Variants in TRDN observed in about 807,000 individuals in gnomAD.
TRDN encodes triadin in skeletal muscle.
Under a neutral mutation model 149.7 loss-of-function variants are expected in TRDN, and 161 were observed. The observed-to-expected ratio is 1.08, with a 90% CI of 0.95 to 1.23. The LOEUF (loss-of-function observed/expected upper bound fraction) is 1.23. TRDN is among the 50% of genes most tolerant of loss of function. TRDN has a pLI of 0.00. For synonymous variants in TRDN, 294 were observed against 250.5 expected (o/e 1.17, Z -1.64); for missense variants, 896 against 823.5 (o/e 1.09, Z -1.08).
At chr6:123,285,340 G>A (rs1777764220) in intron 24 of TRDN, among the ~76,000 whole-genome samples, 1 of 152,040 alleles carries the variant, frequency 6.6e-6, no homozygotes, top group Non-Finnish European at 1.5e-5. Flanking sequence ...TATAAAAATA[G>A]GCACAAAGAC....
At chr6:123,221,888 T>C (rs1259529942) in intron 39 of TRDN, among the ~76,000 whole-genome samples, 1 of 151,740 alleles carries the variant, frequency 6.6e-6, no homozygotes, top group Non-Finnish European at 1.5e-5. Flanking sequence ...AAAATCTGGC[T>C]AAAGATGAAC....
intron 21 of TRDN, 153 bp downstream of exon 21, chr6:123,352,386 A>T: frequency 7.3e-7 from 1 of 1,376,786 alleles, no homozygotes; most frequent in Non-Finnish European, 9.4e-7. Flanking sequence ...GCTGTCTCAC[A>T]TTCTCCCTGG....
At chr6:123,427,939 G>T (rs1774192282) in intron 12 of TRDN, among the ~76,000 whole-genome samples, 1 of 151,976 alleles carries the variant, frequency 6.6e-6, no homozygotes, top group Non-Finnish European at 1.5e-5. Flanking sequence ...TGTTGGGTTG[G>T]TTTTCTAAAA....
At chr6:123,219,105 T>A (rs1775050361) in intron 40 of TRDN, among the ~76,000 whole-genome samples, 1 of 151,826 alleles carries the variant, frequency 6.6e-6, no homozygotes, top group Admixed American at 6.6e-5. Context: ...TAGTCACAGG[T>A]TTCAAAATAT....
intron 19 of TRDN, 85 bp from the exon 20 acceptor site, chr6:123,366,267 G>T: frequency 1.5e-6 from 2 of 1,326,916 alleles, no homozygotes; most frequent in Non-Finnish European, 1.1e-6. Flanking sequence ...TAAAATTAAA[G>T]ATAAAATGTA....
chr6:123,371,216 G>A (rs1781313951), intron 19 of TRDN, among the ~76,000 whole-genome samples: 1 of 151,882 alleles, frequency 6.6e-6, no homozygotes, highest in Admixed American at 6.6e-5. Context: ...TGAACCATTT[G>A]GAACTGATAT....
chr6:123,473,056 C>T (rs1454865305), intron 9 of TRDN, among the ~76,000 whole-genome samples: 14 of 152,228 alleles, frequency 9.2e-5, no homozygotes, highest in South Asian at 2.1e-4. Flanking sequence ...TCCAAAGGAA[C>T]GCAGTTCCTC....
At chr6:123,520,858 A>AT (rs1779643397) in intron 5 of TRDN, among the ~76,000 whole-genome samples, 1 of 152,094 alleles carries the variant, frequency 6.6e-6, no homozygotes, top group Admixed American at 6.6e-5. Flanking sequence ...ATTTTTCATG[A>AT]TTGCCAGAGA....
At chr6:123,318,192 C>T (rs9401653) in intron 23 of TRDN, among the ~76,000 whole-genome samples, 140,669 of 151,562 alleles carry the variant, frequency 0.93, 65,334 homozygotes, top group East Asian at 0.99. Flanking sequence ...ACAACTTTTT[C>T]TTTTCTCTAA....
At chr6:123,370,781 A>T (rs1220937694) in intron 19 of TRDN, among the ~76,000 whole-genome samples, 14 of 152,118 alleles carry the variant, frequency 9.2e-5, no homozygotes, top group Non-Finnish European at 1.0e-4. Context: ...TTTTAAGTAC[A>T]ATTCCGTTAT....
At chr6:123,584,884 G>A (rs541029710) in intron 1 of TRDN, among the ~76,000 whole-genome samples, 25 of 152,234 alleles carry the variant, frequency 1.6e-4, no homozygotes, top group East Asian at 1.2e-3. Flanking sequence ...TTGATAAGGC[G>A]CAGATCCTGA....
rs1778902520 is a variant in TRDN, at chr6:123,313,326, C to A, written c.1510+3131G>T. Among the ~76,000 whole-genome samples, 3 of 151,938 alleles carry A rather than the reference C, an allele frequency of 2.0e-5. No individual in the cohort carries two copies. In the South Asian group the frequency reaches 6.2e-4, roughly 31 times the overall value. ...GACTCTGCTCAGTTCTGATCACTTG[C>A]TGGAGAGGTGATATAGTCATTTTAA... On this transcript the variant is annotated intron_variant, in intron 24 of 40. Coordinates refer to ENST00000334268, the MANE Select transcript of TRDN (RefSeq NM_006073.4).
chr6:123,384,805 G>A (rs994485625), intron 14 of TRDN, among the ~76,000 whole-genome samples: 54 of 152,186 alleles, frequency 3.5e-4, no homozygotes, highest in African/African-American at 1.3e-3. Flanking sequence ...AAGTAATAGA[G>A]GAACTTAAAA....
chr6:123,375,480 C>T, intron 19 of TRDN, 125 bp downstream of exon 19: 1 of 748,074 alleles, frequency 1.3e-6, no homozygotes, highest in Non-Finnish European at 2.1e-6. Flanking sequence ...TTCAGCACAA[C>T]AAATAATCAT....
At chr6:123,531,571 T>C (rs1278092650) in intron 4 of TRDN, among the ~76,000 whole-genome samples, 6 of 152,190 alleles carry the variant, frequency 3.9e-5, no homozygotes, top group Admixed American at 6.6e-5. Flanking sequence ...TTCTTCCTAA[T>C]TTTTCTCATT....
chr6:123,344,908 C>T (rs9388225), intron 21 of TRDN, among the ~76,000 whole-genome samples: 28,037 of 151,940 alleles, frequency 0.18, 3,534 homozygotes, highest in East Asian at 0.63. Flanking sequence ...TTGCTCTACA[C>T]CCTCCCCAGC....
intron 10 of TRDN, among the ~76,000 whole-genome samples, chr6:123,460,705 G>A (rs1160838189): frequency 6.6e-6 from 1 of 151,854 alleles, no homozygotes; most frequent in African/African-American, 2.4e-5. Context: ...AAAGTTCTTG[G>A]TTTAATAGAA....
At chr6:123,625,850 T>C (rs2114725515) in intron 1 of TRDN, among the ~76,000 whole-genome samples, 1 of 152,304 alleles carries the variant, frequency 6.6e-6, no homozygotes. Context: ...TTAATATTTA[T>C]GGCTGCTGAC....
At chr6:123,530,761 T>C (rs919513198) in intron 4 of TRDN, among the ~76,000 whole-genome samples, 196 bp from the exon 5 acceptor site, 5 of 151,834 alleles carry the variant, frequency 3.3e-5, no homozygotes, top group Non-Finnish European at 5.9e-5. Context: ...AAGGGAAAAA[T>C]TGGAGTTATC....
Sources: allele counts gnomAD v4.1 joint callset (sites outside exome capture counted in the v4.1 genomes callset), GRCh38; gene constraint gnomAD v4.1.1; transcripts MANE v1.5; gene names NCBI Gene and HGNC (gene_info 2026-07-23, HGNC 2026-07-21).